Variants in YTHDC2 observed in about 807,000 individuals in gnomAD.
YTHDC2 encodes YTH N6-methyladenosine RNA binding protein C2.
A neutral mutation model predicts 174.9 loss-of-function variants in YTHDC2; 45 were observed. That is an observed-to-expected ratio of 0.26 (90% CI 0.20 to 0.33). The LOEUF is 0.33. YTHDC2 is among the 10% of genes least tolerant of loss of function. The pLI is 1.00. For missense variants in YTHDC2, 1,650 were observed against 1,723.7 expected (o/e 0.96, Z 0.76); for synonymous variants, 657 against 574.5 (o/e 1.14, Z -2.05).
At chr5:113,574,813 G>A (rs1446622165) in intron 23 of YTHDC2, among the ~76,000 whole-genome samples, 5 of 149,468 alleles carry the variant, frequency 3.3e-5, no homozygotes, top group Non-Finnish European at 7.4e-5. Flanking sequence ...AAACTCCTAC[G>A]TTTCTGTGTG....
chr5:113,516,925 A>C (rs1190608579), intron 2 of YTHDC2, among the ~76,000 whole-genome samples: 1 of 152,184 alleles, frequency 6.6e-6, no homozygotes, highest in Non-Finnish European at 1.5e-5. Context: ...CAGTGCTGGA[A>C]CAGTGGTTAG....
At position 113,517,945 on chromosome 5, in the gene YTHDC2, G is replaced by GT. The variant is rs1443351344; in HGVS notation, c.278+2584dup. On this transcript the variant is annotated intron_variant, in intron 2 of 29. Transcript: ENST00000161863. ...GCTCTGTCACCCAGGCTGGAGTGCA[G>GT]TGGTACAATCTCGGCTCACTGCAAG... Among the ~76,000 whole-genome samples, 11 of 151,706 alleles carry GT rather than the reference G, an allele frequency of 7.3e-5. No individual in the cohort carries two copies. In the Middle Eastern group the frequency reaches 0.01, roughly 141 times the overall value.
intron 17 of YTHDC2, among the ~76,000 whole-genome samples, chr5:113,557,220 A>G (rs758143495): frequency 6.6e-5 from 10 of 152,140 alleles, no homozygotes; most frequent in Non-Finnish European, 1.5e-4. Context: ...TGGTTATTTT[A>G]CTAAGTGTTT....
chr5:113,579,565 T>C, intron 23 of YTHDC2, 21 bp from the exon 24 acceptor site: 1 of 1,542,930 alleles, frequency 6.5e-7, no homozygotes, highest in Non-Finnish European at 8.7e-7. Flanking sequence ...GTGATTTTTT[T>C]TTCATTATGT....
chr5:113,530,301 T>C (rs1774568253), intron 4 of YTHDC2, among the ~76,000 whole-genome samples: 1 of 152,212 alleles, frequency 6.6e-6, no homozygotes, highest in Non-Finnish European at 1.5e-5. Context: ...CCAAATACTG[T>C]CTATAGTACC....
intron 16 of YTHDC2, among the ~76,000 whole-genome samples, 173 bp downstream of exon 16, chr5:113,554,195 A>T (rs1439708727): frequency 5.3e-5 from 8 of 152,084 alleles, no homozygotes; most frequent in Non-Finnish European, 1.2e-4. Flanking sequence ...CTGGTTCTAG[A>T]TAAATTTAAC....
intron 4 of YTHDC2, among the ~76,000 whole-genome samples, chr5:113,528,495 G>T (rs1332728925): frequency 3.3e-5 from 5 of 151,830 alleles, no homozygotes; most frequent in Admixed American, 2.6e-4. Flanking sequence ...CTTGAACATT[G>T]TGGAAAATAT....
intron 2 of YTHDC2, among the ~76,000 whole-genome samples, chr5:113,521,613 C>T (rs1580474852): frequency 1.3e-5 from 2 of 151,702 alleles, no homozygotes; most frequent in Non-Finnish European, 2.9e-5. Flanking sequence ...CGGCTGTAGT[C>T]CCAGCTACTG....
At chr5:113,519,452 C>T (rs1313539756) in intron 2 of YTHDC2, among the ~76,000 whole-genome samples, 3 of 152,150 alleles carry the variant, frequency 2.0e-5, no homozygotes, top group African/African-American at 7.2e-5. Context: ...CGATTTTTCT[C>T]AGTCCAAGTT....
intron 23 of YTHDC2, among the ~76,000 whole-genome samples, chr5:113,568,386 AG>A (rs539617094): frequency 1.4e-3 from 218 of 152,138 alleles, no homozygotes; most frequent in Non-Finnish European, 2.8e-3. Flanking sequence ...TTTTAAGTTC[AG>A]GGGTACATGT....
At chr5:113,517,516 A>G (rs961776087) in intron 2 of YTHDC2, 3 of 455,672 alleles carry the variant, frequency 6.6e-6, no homozygotes, top group African/African-American at 6.0e-5. Context: ...AGGAGAATTC[A>G]AGAAGGAAGT....
intron 3 of YTHDC2, among the ~76,000 whole-genome samples, chr5:113,525,635 A>G (rs1208224356): frequency 1.3e-5 from 2 of 152,092 alleles, no homozygotes; most frequent in South Asian, 4.1e-4. Context: ...ATAACACACT[A>G]ATAAGTGAGA....
In YTHDC2 at chr5:113,524,962, G is replaced by C. The variant is rs780440822; in HGVS notation, c.279-19G>C. 20 of 1,530,734 alleles carry C rather than the reference G, an allele frequency of 1.3e-5. No homozygotes were observed. Among genetic ancestry groups the C allele is most frequent in the Non-Finnish European group, 1.8e-5 (20 of 1,135,444 alleles). 94.8% of individuals were successfully genotyped at this position (1,530,734 alleles called of 1,614,324 possible). On this transcript the variant is annotated intron_variant, in intron 2 of 29. Transcript: ENST00000161863. ...AGTTGACTTTATATAGTAAATAAAT[G>C]ATTTTTATTAATATTCAGAAAGGGA...
chr5:113,541,191 A>AC, intron 9 of YTHDC2, 75 bp downstream of exon 9: 4 of 1,485,894 alleles, frequency 2.7e-6, no homozygotes, highest in Non-Finnish European at 3.6e-6. Flanking sequence ...ATGAGCTTAT[A>AC]ATTTTTTTTT....
intron 4 of YTHDC2, among the ~76,000 whole-genome samples, chr5:113,532,225 TG>T (rs1173381382): frequency 1.4e-4 from 22 of 152,198 alleles, no homozygotes; most frequent in African/African-American, 5.1e-4. Flanking sequence ...TCACTTTGCA[TG>T]GATAAAAATC....
intron 6 of YTHDC2, 138 bp downstream of exon 6, chr5:113,534,545 T>C (rs1774922813): frequency 1.7e-6 from 1 of 574,772 alleles, no homozygotes. Flanking sequence ...AACCAACTTA[T>C]TCTTTTGAAC....
chr5:113,565,931 C>G lies in YTHDC2; in HGVS notation c.2754C>G (p.Ala918=). ...CACGAAGTGATGGGTGGGAGCGAGC[C>G]TTTTGTGAAAAGAATTTTCTTTCAC... ...QKARSDGWER[A]FCEKNFLSQA... The change falls in exon 21 of 30, where the codon GCC becomes GCG. Residue 918 remains alanine, a synonymous_variant. Coordinates refer to ENST00000161863, the MANE Select transcript of YTHDC2 (RefSeq NM_022828.5). 1 of 1,613,460 alleles carries G rather than the reference C, an allele frequency of 6.2e-7. No individual in the cohort carries two copies. Among genetic ancestry groups the G allele is most frequent in the Non-Finnish European group, 8.5e-7 (1 of 1,179,674 alleles).
At chr5:113,532,672 A>G (rs1774751939) in intron 4 of YTHDC2, among the ~76,000 whole-genome samples, 1 of 152,072 alleles carries the variant, frequency 6.6e-6, no homozygotes, top group African/African-American at 2.4e-5. Context: ...TTGATTTTAG[A>G]TATTTTAGCT....
chr5:113,568,549 A>T (rs1487042964), intron 23 of YTHDC2, among the ~76,000 whole-genome samples: 3 of 152,028 alleles, frequency 2.0e-5, no homozygotes, highest in Admixed American at 2.0e-4. Context: ...AGTAGGCCCC[A>T]GTGTGTGTTG....
Sources: allele counts gnomAD v4.1 joint callset (sites outside exome capture counted in the v4.1 genomes callset), GRCh38; gene constraint gnomAD v4.1.1; transcripts MANE v1.5; gene names NCBI Gene and HGNC (gene_info 2026-07-23, HGNC 2026-07-21).